Variants in OXCT1 observed in about 807,000 individuals in gnomAD.
OXCT1 encodes 3-oxoacid CoA-transferase 1.
OXCT1 carries 27 observed loss-of-function variants against 69.6 expected under a neutral mutation model. The ratio of observed to expected loss-of-function variants is 0.39; its 90% CI spans 0.29 to 0.54. The LOEUF (loss-of-function observed/expected upper bound fraction) is 0.54, where lower values mean the gene tolerates loss of function less well. OXCT1 is among the 20% of genes least tolerant of loss of function. The probability of loss-of-function intolerance (pLI) is 0.72; values close to 1 mark genes in which losing one functional copy is unlikely to be tolerated. For synonymous variants in OXCT1, 202 were observed against 217.8 expected (o/e 0.93, Z 0.64); for missense variants, 437 against 650.2 (o/e 0.67, Z 3.57).
intron 5 of OXCT1, among the ~76,000 whole-genome samples, chr5:41,844,893 C>A (rs1321218882): frequency 2.0e-5 from 3 of 150,300 alleles, no homozygotes; most frequent in Non-Finnish European, 4.4e-5. Context: ...TAAATTAACA[C>A]AACAGCCTCC....
chr5:41,836,489 A>C (rs978146099), intron 7 of OXCT1, among the ~76,000 whole-genome samples: 3 of 152,168 alleles, frequency 2.0e-5, no homozygotes, highest in African/African-American at 7.2e-5. Flanking sequence ...TACACAACTC[A>C]TAAGTTTATC....
intron 11 of OXCT1, among the ~76,000 whole-genome samples, chr5:41,795,092 G>A (rs774684233): frequency 1.3e-5 from 2 of 152,158 alleles, no homozygotes; most frequent in Non-Finnish European, 2.9e-5. Context: ...GATGGTTTCA[G>A]GATAAAACTG....
At chr5:41,836,011 A>G (rs1350720831) in intron 7 of OXCT1, among the ~76,000 whole-genome samples, 1 of 152,236 alleles carries the variant, frequency 6.6e-6, no homozygotes, top group Non-Finnish European at 1.5e-5. Context: ...ACAGAAGACT[A>G]GCAGAGGGGC....
At position 41,762,831 on chromosome 5, in the gene OXCT1, G is replaced by T. The variant is rs906140100; in HGVS notation, c.1249-631C>A. On this transcript the variant is annotated intron_variant, in intron 13 of 16. Transcript: ENST00000196371. This position sits in a 1 kb window ranked among gnomAD's most constrained non-coding sequence, Gnocchi z 4.0. Reference sequence around the variant, plus strand: ...ATTTCACCATTATCATTCTATTTTTGATCATCTGGCCATCCCTTCATTCAT... The same window carrying T: ...ATTTCACCATTATCATTCTATTTTTTATCATCTGGCCATCCCTTCATTCAT... 7.9e-5 allele frequency among the ~76,000 whole-genome samples: 12 copies of T among 152,012 alleles called. No individual in the cohort carries two copies. Among genetic ancestry groups the T allele is most frequent in the African/African-American group, 2.9e-4 (12 of 41,416 alleles).
chr5:41,791,674 G>GCAT (rs1745924070), intron 13 of OXCT1, among the ~76,000 whole-genome samples: 3 of 152,162 alleles, frequency 2.0e-5, no homozygotes, highest in Admixed American at 6.5e-5. Flanking sequence ...GGACCACTGA[G>GCAT]CAAATTGATT....
intron 13 of OXCT1, among the ~76,000 whole-genome samples, chr5:41,775,222 T>A (rs1489658221): frequency 6.6e-6 from 1 of 152,092 alleles, no homozygotes; most frequent in South Asian, 2.1e-4. Flanking sequence ...AAGGATTCAG[T>A]CTTACAAAAC....
At chr5:41,851,697 T>C (rs2112444869) in intron 4 of OXCT1, among the ~76,000 whole-genome samples, 1 of 151,752 alleles carries the variant, frequency 6.6e-6, no homozygotes, top group South Asian at 2.1e-4. Flanking sequence ...TGACCTCTCT[T>C]AGCCTGAGGA....
intron 7 of OXCT1, among the ~76,000 whole-genome samples, chr5:41,812,823 AC>A (rs1303738230): frequency 2.0e-5 from 3 of 152,058 alleles, no homozygotes; most frequent in Non-Finnish European, 2.9e-5. Context: ...TAGGCTGTAG[AC>A]CCACAACATC....
intron 16 of OXCT1, among the ~76,000 whole-genome samples, chr5:41,733,631 T>C (rs1367929609): frequency 6.6e-6 from 1 of 152,204 alleles, no homozygotes; most frequent in Non-Finnish European, 1.5e-5. Context: ...GACACATTAA[T>C]TTTTTTAACT....
At chr5:41,755,567 AG>A (rs1248963196) in intron 14 of OXCT1, among the ~76,000 whole-genome samples, 3 of 152,150 alleles carry the variant, frequency 2.0e-5, no homozygotes, top group Non-Finnish European at 4.4e-5. Flanking sequence ...CTCCCAAGAA[AG>A]GGTTTTCCTT....
At chr5:41,851,504 G>C (rs564025096) in intron 4 of OXCT1, among the ~76,000 whole-genome samples, 1 of 152,216 alleles carries the variant, frequency 6.6e-6, no homozygotes, top group East Asian at 1.9e-4. Context: ...TACCAGGTAA[G>C]GGCCTGAAAG....
At chr5:41,818,113 G>A (rs1747336640) in intron 7 of OXCT1, among the ~76,000 whole-genome samples, 1 of 152,184 alleles carries the variant, frequency 6.6e-6, no homozygotes, top group Non-Finnish European at 1.5e-5. Context: ...TATGTCCCAA[G>A]CATTGTGTTA....
intron 5 of OXCT1, among the ~76,000 whole-genome samples, chr5:41,845,566 TAA>T (rs965917646): frequency 1.4e-5 from 2 of 143,836 alleles, no homozygotes; most frequent in Non-Finnish European, 1.5e-5. Context: ...CTGCTTTAAG[TAA>T]AAAAAAAAAG....
At chr5:41,763,107 AT>A (rs1245503370) in intron 13 of OXCT1, among the ~76,000 whole-genome samples, 1 of 152,114 alleles carries the variant, frequency 6.6e-6, no homozygotes, top group Non-Finnish European at 1.5e-5. Context: ...CTTTCTGATA[AT>A]GTTAGAGCTA....
In OXCT1 at chr5:41,774,737, T is replaced by C. The variant is rs141346710; in HGVS notation, c.1249-12537A>G. On this transcript the variant is annotated intron_variant, in intron 13 of 16. Coordinates refer to ENST00000196371, the MANE Select transcript of OXCT1 (RefSeq NM_000436.4). ...GGTAAAACCCCATCTCTACTCAAAA[T>C]ACAAAAAATTAGCCGGGCGTGGCGG... Among the ~76,000 whole-genome samples the C allele has an allele frequency of 6.8e-4, 104 of 151,856 alleles. No individual in the cohort carries two copies. The East Asian group carries it at 0.015, about 22-fold the overall frequency.
intron 7 of OXCT1, among the ~76,000 whole-genome samples, chr5:41,822,417 C>T (rs1747599701): frequency 6.6e-6 from 1 of 152,094 alleles, no homozygotes; most frequent in African/African-American, 2.4e-5. Context: ...CCTCTTTATC[C>T]CTAATAATTT....
chr5:41,778,050 T>C (rs1745211597), intron 13 of OXCT1, among the ~76,000 whole-genome samples: 1 of 152,230 alleles, frequency 6.6e-6, no homozygotes, highest in Non-Finnish European at 1.5e-5. Flanking sequence ...AAACATGTAC[T>C]TGAGTCAAAG....
chr5:41,736,527 C>T (rs1742893635), intron 16 of OXCT1, among the ~76,000 whole-genome samples: 1 of 151,966 alleles, frequency 6.6e-6, no homozygotes, highest in Admixed American at 6.6e-5. Flanking sequence ...TAACAGTGCC[C>T]AAATATTTCA....
intron 7 of OXCT1, among the ~76,000 whole-genome samples, chr5:41,809,414 T>C (rs916671834): frequency 9.9e-5 from 15 of 151,872 alleles, no homozygotes; most frequent in Non-Finnish European, 2.2e-4. Context: ...AAAAAGAAAA[T>C]AGAGAGTCTA....
Sources: allele counts gnomAD v4.1 joint callset (sites outside exome capture counted in the v4.1 genomes callset), GRCh38; gene constraint gnomAD v4.1.1; non-coding constraint Gnocchi (gnomAD v3.1); transcripts MANE v1.5; gene names NCBI Gene and HGNC (gene_info 2026-07-23, HGNC 2026-07-21).